FAS: variants seen among roughly 807,000 people sequenced by gnomAD.
FAS encodes tumor necrosis factor receptor superfamily member 6.
In FAS, 5 loss-of-function variants were observed where a neutral mutation model predicts 33.2. The ratio of observed to expected loss-of-function variants is 0.15; its 90% confidence interval spans 0.08 to 0.32. The LOEUF (loss-of-function observed/expected upper bound fraction) is 0.32, where lower values mean the gene tolerates loss of function less well. Among genes scored for constraint, FAS ranks in the 10% least tolerant of loss-of-function variants. The pLI, the probability that FAS is intolerant of heterozygous loss-of-function variation, is 1.00. For synonymous variants in FAS, 131 were observed against 130.7 expected, an observed-to-expected ratio of 1.00 and a Z score of -0.01; for missense variants, 339 against 386.0, an observed-to-expected ratio of 0.88 and a Z score of 1.02.
At chr10:88,990,069 T>G (rs945055741), upstream of FAS, among the ~76,000 whole-genome samples, 3 of 152,352 alleles carry the variant, frequency 2.0e-5, no homozygotes, top group Non-Finnish European at 4.4e-5. This position sits in a 1 kb window ranked among gnomAD's most constrained non-coding sequence, Gnocchi z 4.9. Context: ...ATGTTTAATA[T>G]AGCTGGGGCT....
At chr10:88,982,222 C>T (rs1846728549), upstream of FAS, among the ~76,000 whole-genome samples, 1 of 152,162 alleles carries the variant, frequency 6.6e-6, no homozygotes, top group Non-Finnish European at 1.5e-5. Context: ...GAAGACCTAC[C>T]TCCCAAGATT....
At chr10:89,001,535 G>A (rs867745796) in intron 1 of FAS, among the ~76,000 whole-genome samples, 1 of 151,244 alleles carries the variant, frequency 6.6e-6, no homozygotes, top group African/African-American at 2.4e-5. Context: ...TGCTAGATCC[G>A]AGGGCTGACT....
chr10:88,973,347 G>A, exon 2 of FAS: 1 of 1,496,090 alleles, frequency 6.7e-7, no homozygotes, highest in Non-Finnish European at 8.9e-7. Context: ...AAGGTGATTA[G>A]GTAATCCAAG....
In FAS at chr10:89,016,502, C is replaced by A; in HGVS notation, c.*2052C>A. 1 of 226,016 alleles carries A rather than the reference C, an allele frequency of 4.4e-6. No homozygotes were observed. 14.0% of individuals were successfully genotyped at this position (226,016 alleles called of 1,614,324 possible). On this transcript the variant is annotated 3_prime_UTR_variant, in exon 9 of 9. Coordinates refer to ENST00000652046, the MANE Select transcript of FAS (RefSeq NM_000043.6). Reference sequence around the variant, plus strand: ...GAACACCCTATTCCACTTTGGTGAACTCAGAGCAAGAACTTTGAGTTCCTT... The same window carrying A: ...GAACACCCTATTCCACTTTGGTGAAATCAGAGCAAGAACTTTGAGTTCCTT...
intron 1 of FAS, among the ~76,000 whole-genome samples, chr10:88,998,862 A>C (rs1158798386): frequency 4.0e-5 from 6 of 151,784 alleles, no homozygotes; most frequent in Non-Finnish European, 8.8e-5. Context: ...TCCCCTTTAC[A>C]AAAAAAAATT....
chr10:89,000,046 T>G (rs1226275585), intron 1 of FAS, among the ~76,000 whole-genome samples: 1 of 152,226 alleles, frequency 6.6e-6, no homozygotes, highest in African/African-American at 2.4e-5. Flanking sequence ...AAAAGAGAAT[T>G]TTCTTTACCA....
chr10:88,979,518 A>G (rs1433244373), intron 2 of FAS, among the ~76,000 whole-genome samples: 3 of 152,248 alleles, frequency 2.0e-5, no homozygotes, highest in Non-Finnish European at 4.4e-5. Context: ...GTAGGCAGCA[A>G]TAACCCTAAT....
At chr10:89,010,630 T>C (rs1848480785) in intron 5 of FAS, 30 bp downstream of exon 5, 8 of 1,611,014 alleles carry the variant, frequency 5.0e-6, no homozygotes, top group Non-Finnish European at 5.9e-6. Flanking sequence ...TATATTCTCC[T>C]TTCCCCCAAC....
intron 1 of FAS, among the ~76,000 whole-genome samples, chr10:88,970,383 GC>G (rs1320967355): frequency 6.6e-6 from 1 of 152,058 alleles, no homozygotes; most frequent in Non-Finnish European, 1.5e-5. Context: ...AAATTGCTGT[GC>G]CCTTTTCTGA....
At chr10:88,997,212 C>T (rs1428585485) in intron 1 of FAS, among the ~76,000 whole-genome samples, 3 of 152,218 alleles carry the variant, frequency 2.0e-5, no homozygotes, top group Non-Finnish European at 4.4e-5. Context: ...TCCCCATTCT[C>T]AGAGATCCTG....
chr10:89,003,126 C>T lies in FAS; in HGVS notation c.128C>T (p.Thr43Ile), dbSNP rs2133471492. The change falls in exon 2 of 9, where the codon ACA becomes ATA. Residue 43 changes from threonine to isoleucine, a missense_variant. Thr to Ile is a moderately conservative substitution (Grantham distance 89, BLOSUM62 -1). This residue lies in a region of FAS where 276 missense variants were observed against 300.1 expected (regional missense o/e 0.92). Transcript: ENST00000652046. ...TTGGAATTGAGGAAGACTGTTACTA[C>T]AGTTGAGACTCAGAACTTGGAAGGC... ...KGLELRKTVT[T>I]VETQNLEGLH... 1 of 1,614,170 alleles carries T rather than the reference C, an allele frequency of 6.2e-7. No homozygotes were observed. The highest frequency in any genetic ancestry group is 8.5e-7 in the Non-Finnish European group (1 of 1,179,998).
chr10:89,013,063 T>A (rs529006902), intron 7 of FAS, among the ~76,000 whole-genome samples: 1 of 152,162 alleles, frequency 6.6e-6, no homozygotes, highest in Admixed American at 6.5e-5. Context: ...TAAGTCTATA[T>A]GAAAAATAAC....
chr10:89,007,449 A>G (rs556527534), intron 2 of FAS, among the ~76,000 whole-genome samples: 14 of 151,478 alleles, frequency 9.2e-5, no homozygotes, highest in Non-Finnish European at 1.9e-4. Context: ...TTTTTTTTGT[A>G]TGCTCCTGTT....
chr10:88,997,968 A>G (rs1215107579), intron 1 of FAS, among the ~76,000 whole-genome samples: 1 of 152,210 alleles, frequency 6.6e-6, no homozygotes, highest in Non-Finnish European at 1.5e-5. Flanking sequence ...TATTTAGCTC[A>G]GTGATCATCC....
Position 89,015,696 on chromosome 10 carries a change from G to C in FAS, c.*1246G>C, listed in dbSNP as rs1848774693. ...AAGCAGATACCTGGAACCACCTAAA[G>C]AACTTCCATTTATGGAGGATTTTTT... On this transcript the variant is annotated 3_prime_UTR_variant, in exon 9 of 9. Coordinates refer to ENST00000652046, the MANE Select transcript of FAS (RefSeq NM_000043.6). 1 of 498,018 alleles carries C rather than the reference G, an allele frequency of 2.0e-6. No individual in the cohort carries two copies. The highest frequency in any genetic ancestry group is 3.9e-6 in the Non-Finnish European group (1 of 259,716). The allele number at this position is 498,018 out of a possible 1,614,324, so 30.8% of individuals were successfully genotyped here.
intron 6 of FAS, among the ~76,000 whole-genome samples, chr10:89,011,785 A>G (rs1848542268): frequency 6.6e-6 from 1 of 152,250 alleles, no homozygotes; most frequent in Non-Finnish European, 1.5e-5. Flanking sequence ...TGTGGTAATT[A>G]GATGACTAAT....
intron 1 of FAS, among the ~76,000 whole-genome samples, chr10:88,967,202 T>C (rs1254458344): frequency 1.3e-5 from 2 of 152,194 alleles, no homozygotes; most frequent in Admixed American, 1.3e-4. Flanking sequence ...AATTTTATAC[T>C]GAAGAGCTCC....
intron 1 of FAS, among the ~76,000 whole-genome samples, chr10:88,969,098 CTT>C (rs565714974): frequency 5.3e-4 from 81 of 152,060 alleles, no homozygotes; most frequent in African/African-American, 1.8e-3. Flanking sequence ...TTTTTTCTCT[CTT>C]ATTAAATAAT....
rs967060461 is a variant in FAS, at chr10:89,014,351, T to G, written c.909T>G (p.Leu303=). Residue 303 remains leucine, a synonymous_variant, in exon 9 of 9, where the codon CTT becomes CTG. Transcript: ENST00000652046. ...TTAAAGATCTCAAAAAAGCCAATCT[T>G]TGTACTCTTGCAGAGAAAATTCAGA... ...TLIKDLKKAN[L]CTLAEKIQTI... The G allele has an allele frequency of 6.2e-7, 1 of 1,613,746 alleles. No homozygotes were observed. The highest frequency in any genetic ancestry group is 1.3e-5 in the African/African-American group (1 of 74,922).
Sources: gnomAD v4.1 joint callset for allele counts (sites outside exome capture counted in the v4.1 genomes callset) on GRCh38, gnomAD v4.1.1 for gene constraint, gnomAD v4.1.1 regional missense constraint, Gnocchi (gnomAD v3.1) non-coding constraint, MANE v1.5 for transcripts, NCBI Gene and HGNC (gene_info 2026-07-23, HGNC 2026-07-21) for gene names.